The following KATNAL2 variants were observed in gnomAD, a reference collection of about 807,000 sequenced individuals.
KATNAL2 encodes katanin catalytic subunit A1 like 2.
Under a neutral mutation model 76.3 loss-of-function variants are expected in KATNAL2, and 52 were observed. The ratio of observed to expected loss-of-function variants is 0.68; its 90% confidence interval spans 0.55 to 0.86. The LOEUF is 0.86. Among genes scored for constraint, KATNAL2 ranks in the 40% least tolerant of loss-of-function variants. The probability of loss-of-function intolerance (pLI) is 0.00; values close to 1 mark genes in which losing one functional copy is unlikely to be tolerated. For missense variants in KATNAL2, 660 were observed against 668.9 expected, an observed-to-expected ratio of 0.99 and a Z score of 0.15; for synonymous variants, 243 against 244.2, an observed-to-expected ratio of 1.00 and a Z score of 0.05.
intron 3 of KATNAL2, among the ~76,000 whole-genome samples, chr18:47,042,832 A>AAGAAAT (rs2061008018): frequency 6.6e-6 from 1 of 152,240 alleles, no homozygotes; most frequent in Admixed American, 6.5e-5. Context: ...AAGTTTTCCA[A>AAGAAAT]AAATGAGAAC....
At chr18:46,937,138 A>G (rs561191635) in intron 1 of KATNAL2, among the ~76,000 whole-genome samples, 65 of 152,278 alleles carry the variant, frequency 4.3e-4, no homozygotes, top group African/African-American at 1.3e-3. Context: ...AGAAACCACT[A>G]TAAGAGTATG....
intron 1 of KATNAL2, among the ~76,000 whole-genome samples, chr18:46,925,119 G>A (rs1052423975): frequency 3.9e-5 from 6 of 151,980 alleles, no homozygotes; most frequent in Non-Finnish European, 5.9e-5. Flanking sequence ...CCAACAGTAC[G>A]TTGAATGGGA....
intron 3 of KATNAL2, among the ~76,000 whole-genome samples, chr18:46,950,765 A>C (rs1210928807): frequency 6.7e-6 from 1 of 150,004 alleles, no homozygotes; most frequent in Non-Finnish European, 1.5e-5. Context: ...GCTCACCACA[A>C]CCTCCACCTC....
chr18:46,947,860 C>T (rs1157692718), intron 3 of KATNAL2, among the ~76,000 whole-genome samples: 1 of 152,260 alleles, frequency 6.6e-6, no homozygotes, highest in Admixed American at 6.5e-5. Context: ...AAAAGGTTGG[C>T]TACACATGTT....
intron 6 of KATNAL2, among the ~76,000 whole-genome samples, chr18:47,056,622 T>C (rs959255084): frequency 2.0e-5 from 3 of 152,204 alleles, no homozygotes; most frequent in African/African-American, 7.2e-5. Flanking sequence ...TTCAGAAGAA[T>C]TTTACCATCC....
At chr18:47,035,145 C>G (rs2571027) in intron 3 of KATNAL2, 764,645 of 1,595,678 alleles carry the variant, frequency 0.48, 188,069 homozygotes, top group East Asian at 0.7. Flanking sequence ...GGATGTCTGC[C>G]GTCATGGGCA....
At chr18:46,921,378 G>T (rs2146476207) in intron 1 of KATNAL2, among the ~76,000 whole-genome samples, 1 of 152,192 alleles carries the variant, frequency 6.6e-6, no homozygotes, top group South Asian at 2.1e-4. Flanking sequence ...CACCTGCCTT[G>T]GCCTCCCAAA....
intron 1 of KATNAL2, among the ~76,000 whole-genome samples, chr18:46,941,937 T>C (rs2059258210): frequency 6.6e-6 from 1 of 152,154 alleles, no homozygotes; most frequent in African/African-American, 2.4e-5. Context: ...GGGGTGCGCC[T>C]GTTGCTGTGT....
chr18:47,065,497 A>G (rs2061762775), intron 10 of KATNAL2, among the ~76,000 whole-genome samples: 1 of 152,052 alleles, frequency 6.6e-6, no homozygotes, highest in Non-Finnish European at 1.5e-5. Context: ...CCATATGCCC[A>G]GAGACCATTT....
At chr18:47,033,848 T>A in intron 3 of KATNAL2, 1 of 1,614,098 alleles carries the variant, frequency 6.2e-7, no homozygotes, top group South Asian at 1.1e-5. Context: ...GGATCGTAGT[T>A]GGCCTGCATC....
At position 46,920,466 on chromosome 18, in the gene KATNAL2, A is replaced by T. The variant is rs556963499; in HGVS notation, c.-510+2540A>T. 1.7e-3 allele frequency among the ~76,000 whole-genome samples: 259 copies of T among 152,268 alleles called. 1 individual carries two copies. The highest frequency in any genetic ancestry group is 5.8e-3 in the African/African-American group (243 of 41,544). ...AATCACACACACACAAAATCTCAGC[A>T]TTGACTTTGATACTCACTCTGCCTC... On this transcript the variant is annotated intron_variant, in intron 1 of 17. Transcript: ENST00000683218.
intron 1 of KATNAL2, among the ~76,000 whole-genome samples, chr18:46,941,295 T>G (rs926487555): frequency 1.2e-4 from 19 of 152,162 alleles, no homozygotes; most frequent in African/African-American, 3.4e-4. Context: ...GCCGAGATCA[T>G]GCCACTGCAT....
At chr18:46,932,618 A>G (rs28593653) in intron 1 of KATNAL2, among the ~76,000 whole-genome samples, 71,313 of 137,978 alleles carry the variant, frequency 0.52, 18,564 homozygotes, top group Middle Eastern at 0.57. Flanking sequence ...AGGTTGCAGT[A>G]AGCCGAGATC....
chr18:47,077,592 T>C, intron 15 of KATNAL2, 131 bp downstream of exon 15: 2 of 661,218 alleles, frequency 3.0e-6, no homozygotes. Context: ...ATGTGGAGGC[T>C]TTACTGTTCA....
Position 47,101,144 on chromosome 18 carries a change from T to G in KATNAL2, c.*139T>G. On this transcript the variant is annotated 3_prime_UTR_variant, in exon 18 of 18. Transcript: ENST00000683218. ...ACTGGATTAACTTGAGCCACTGTATTGTTTTGGATAGCTGAGATATATTTA... is the reference window on the plus strand; with the variant it reads ...ACTGGATTAACTTGAGCCACTGTATGGTTTTGGATAGCTGAGATATATTTA... 1.1e-6 allele frequency: 1 copy of G among 919,726 alleles called. No individual in the cohort carries two copies. Among genetic ancestry groups the G allele is most frequent in the Non-Finnish European group, 1.6e-6 (1 of 620,028 alleles). The allele number at this position is 919,726 out of a possible 1,614,324, so 57.0% of individuals were successfully genotyped here.
At position 46,949,220 on chromosome 18, in the gene KATNAL2, C is replaced by A. The variant is rs115869120; in HGVS notation, c.51+2297C>A. Among the ~76,000 whole-genome samples the A allele has an allele frequency of 8.7e-3, 1,329 of 152,044 alleles. 12 individuals carry two copies. The highest frequency in any genetic ancestry group is 0.027 in the Middle Eastern group (8 of 294). On this transcript the variant is annotated intron_variant, in intron 3 of 17. Coordinates refer to ENST00000683218, the MANE Select transcript of KATNAL2 (RefSeq NM_001387690.1). ...GCATCTTAACTTGTTTAATGCCTAA[C>A]TACTTCTCCTCCTTCTCCTTTTCCT...
At position 47,075,105 on chromosome 18, in the gene KATNAL2, C is replaced by G. The variant is rs181888384; in HGVS notation, c.1009-172C>G. Among the ~76,000 whole-genome samples the G allele has an allele frequency of 4.2e-3, 643 of 152,282 alleles. 3 individuals are homozygous for G. The highest frequency in any genetic ancestry group is 6.0e-3 in the Non-Finnish European group (405 of 68,022). ...AATGGAAATAATCGGACCATCCAAC[C>G]CCATGGGGTGAAGGTAGGGAGAAAT... is the stretch of plus-strand genomic sequence containing the variant. On this transcript the variant is annotated intron_variant, in intron 13 of 17. Transcript: ENST00000683218.
intron 1 of KATNAL2, chr18:46,920,246 C>A: frequency 2.3e-6 from 1 of 427,752 alleles, no homozygotes; most frequent in Non-Finnish European, 4.7e-6. Context: ...GCATATAAAT[C>A]TGATTAGTAC....
rs376877321 is a variant in KATNAL2, at chr18:47,043,245, A to AAAAAAAAAAAAAAT, written c.52-3212_52-3211insAAAAAAAAAAAAAT. The stretch of plus-strand genomic sequence containing the variant: ...CCGTTTCAAAAAAAAAAAAAAAAAA[A>AAAAAAAAAAAAAAT]GAGATCCTAAAAGCTTCCTGGGAAG... On this transcript the variant is annotated intron_variant, in intron 3 of 17. Transcript: ENST00000683218. Among the ~76,000 whole-genome samples the AAAAAAAAAAAAAAT allele has an allele frequency of 6.3e-4, 59 of 93,150 alleles. 9 individuals carry two copies. Among genetic ancestry groups the AAAAAAAAAAAAAAT allele is most frequent in the African/African-American group, 8.5e-4 (21 of 24,740 alleles). The allele number at this position is 93,150 out of a possible 152,430, so 61.1% of individuals were successfully genotyped here. A position where few individuals can be genotyped will look rare whatever the true frequency, so the allele number is the denominator to read the frequency against.
Sources: gnomAD v4.1 joint callset for allele counts (sites outside exome capture counted in the v4.1 genomes callset) on GRCh38, gnomAD v4.1.1 for gene constraint, MANE v1.5 for transcripts, NCBI Gene and HGNC (gene_info 2026-07-23, HGNC 2026-07-21) for gene names.